PUS7: variants seen among roughly 807,000 people sequenced by gnomAD.
PUS7 encodes pseudouridine synthase 7, also known as pseudouridylate synthase 7 homolog.
In PUS7, 48 loss-of-function variants were observed where a neutral mutation model predicts 79.8. The observed-to-expected ratio is 0.60, with a 90% confidence interval of 0.48 to 0.76. PUS7 has a LOEUF of 0.76. Among genes scored for constraint, PUS7 ranks in the 30% least tolerant of loss-of-function variants. The pLI is 0.00. For synonymous variants in PUS7, 286 were observed against 272.2 expected (o/e 1.05, Z -0.50); for missense variants, 729 against 797.6 (o/e 0.91, Z 1.04).
chr7:105,513,154 A>T lies in PUS7; in HGVS notation c.-32-4610T>A, dbSNP rs878908821. Among the ~76,000 whole-genome samples, 3 of 152,174 alleles carry T rather than the reference A, an allele frequency of 2.0e-5. No homozygotes were observed. The East Asian group carries it at 5.8e-4, about 29-fold the overall frequency. ...ATCACATTGTGTCACACATGCCCTT[A>T]CCAAAAACCTGCAATGCCTCCCCAA... is the stretch of plus-strand genomic sequence containing the variant. On this transcript the variant is annotated intron_variant, in intron 1 of 15. Transcript: ENST00000469408.
At chr7:105,488,413 G>C (rs1170047888) in intron 7 of PUS7, among the ~76,000 whole-genome samples, 1 of 152,010 alleles carries the variant, frequency 6.6e-6, no homozygotes, top group Non-Finnish European at 1.5e-5. Context: ...AAAAAAAAGA[G>C]AGAGAGAATT....
intron 1 of PUS7, among the ~76,000 whole-genome samples, chr7:105,517,709 G>T (rs1428650619): frequency 6.6e-6 from 1 of 152,148 alleles, no homozygotes; most frequent in East Asian, 1.9e-4. Flanking sequence ...GCTGCAGTAA[G>T]TTATGATCAC....
At chr7:105,510,608 G>A (rs1825664223) in intron 1 of PUS7, among the ~76,000 whole-genome samples, 1 of 151,958 alleles carries the variant, frequency 6.6e-6, no homozygotes, top group South Asian at 2.1e-4. Flanking sequence ...CCACCTCCTG[G>A]GCTCAAGCCA....
intron 5 of PUS7, among the ~76,000 whole-genome samples, chr7:105,496,192 CACACATATATATAT>C (rs1230435507): frequency 4.0e-5 from 1 of 24,714 alleles, no homozygotes; most frequent in Non-Finnish European, 7.3e-5. Flanking sequence ...TCTACACACA[CACACATATATATAT>C]ATATATATAT....
chr7:105,513,545 C>A (rs1020709748), intron 1 of PUS7, among the ~76,000 whole-genome samples: 7 of 152,204 alleles, frequency 4.6e-5, no homozygotes, highest in Non-Finnish European at 5.9e-5. Flanking sequence ...ATGGGCTGGG[C>A]GCGGTGGCTC....
Position 105,470,771 on chromosome 7 carries a change from G to A in PUS7, c.1315C>T (p.Pro439Ser), listed in dbSNP as rs761780232. The A allele has an allele frequency of 1.2e-6, 2 of 1,612,636 alleles. No individual in the cohort carries two copies. Among genetic ancestry groups the A allele is most frequent in the South Asian group, 1.1e-5 (1 of 91,010 alleles). Residue 439 changes from proline (P) to serine (S), a missense_variant, in exon 11 of 16, where the codon CCT becomes TCT. By Grantham distance (74) the Pro-to-Ser change is moderately conservative. Coordinates refer to ENST00000469408, the MANE Select transcript of PUS7 (RefSeq NM_019042.5). ...KDPTAALRKLPVKRCVEGQLL... is the reference protein window; with the variant it reads ...KDPTAALRKLSVKRCVEGQLL... Reference sequence around the variant, plus strand: ...TGCCCTTCCACACACCTTTTGACAGGTAGTTTTCTGAGGGCAGCAGTTGGG... The same window carrying A: ...TGCCCTTCCACACACCTTTTGACAGATAGTTTTCTGAGGGCAGCAGTTGGG...
chr7:105,509,184 CAAAAAAAAAAAAAA>C (rs57095427), intron 1 of PUS7, among the ~76,000 whole-genome samples: 4 of 55,718 alleles, frequency 7.2e-5, no homozygotes, highest in African/African-American at 8.9e-5. Context: ...GACTCCATCT[CAAAAAAAAAAAAAA>C]AAAAAAAAAA....
At chr7:105,500,403 A>C (rs931947393) in intron 5 of PUS7, among the ~76,000 whole-genome samples, 9 of 152,190 alleles carry the variant, frequency 5.9e-5, no homozygotes, top group Non-Finnish European at 8.8e-5. Context: ...GGATGGGTAG[A>C]AAGGCTGTAA....
At position 105,506,049 on chromosome 7, in the gene PUS7, G is replaced by A. The variant is rs1348736536; in HGVS notation, c.491C>T (p.Ser164Leu). 8.7e-6 allele frequency: 14 copies of A among 1,612,800 alleles called. No homozygotes were observed. Among genetic ancestry groups the A allele is most frequent in the African/African-American group, 2.7e-5 (2 of 74,850 alleles). ...LSIPVDEEDPSEDIFTVLTAE... is the reference protein window; with the variant it reads ...LSIPVDEEDPLEDIFTVLTAE... ...TGTCAAAACTGTAAATATGTCTTCT[G>A]AAGGGTCCTTTAAAATAACCATGAG... Residue 164 changes from serine (S) to leucine (L), a missense_variant, in exon 4 of 16, where the codon TCA (serine) becomes TTA (leucine). Physicochemically the swap from Ser to Leu is moderately radical, Grantham distance 145. Transcript: ENST00000469408.
At chr7:105,491,703 T>C in intron 6 of PUS7, 86 bp from the exon 7 acceptor site, 3 of 754,634 alleles carry the variant, frequency 4.0e-6, no homozygotes, top group South Asian at 1.7e-5. Flanking sequence ...AGTTTTAATA[T>C]AAACATACTT....
chr7:105,464,416 A>G (rs2133048809), intron 13 of PUS7, among the ~76,000 whole-genome samples: 1 of 152,286 alleles, frequency 6.6e-6, no homozygotes, highest in East Asian at 1.9e-4. Context: ...GAAGACTGGC[A>G]TGTGAGTTGG....
At chr7:105,469,616 C>T (rs891332603) in intron 11 of PUS7, among the ~76,000 whole-genome samples, 6 of 152,158 alleles carry the variant, frequency 3.9e-5, no homozygotes, top group Non-Finnish European at 5.9e-5. Flanking sequence ...TCTGCCACCA[C>T]GCCTGGCTAT....
In PUS7 at chr7:105,508,364, T is replaced by A. The variant is rs760324880; in HGVS notation, c.149A>T (p.Asp50Val). ...CACGTCTTCACTGATGGACAGAAAGTCATTCTGTAGCCCATCTTGACCTTT... is the reference window on the plus strand; with the variant it reads ...CACGTCTTCACTGATGGACAGAAAGACATTCTGTAGCCCATCTTGACCTTT... Reference protein sequence around the residue: ...LTKGQDGLQNDFLSISEDVPR... With the variant: ...LTKGQDGLQNVFLSISEDVPR... The change falls in exon 2 of 16, where the codon GAC becomes GTC. Residue 50 changes from aspartate to valine, a missense_variant. Transcript: ENST00000469408. 10 of 1,614,062 alleles carry A rather than the reference T, an allele frequency of 6.2e-6. No individual in the cohort carries two copies. The highest frequency in any genetic ancestry group is 2.2e-5 in the East Asian group (1 of 44,868).
intron 9 of PUS7, 65 bp from the exon 10 acceptor site, chr7:105,472,258 C>A (rs747298468): frequency 2.8e-5 from 27 of 969,710 alleles, no homozygotes; most frequent in Non-Finnish European, 3.9e-5. Context: ...ATGCACAAAT[C>A]TTTGAAGAGT....
chr7:105,521,698 G>A (rs543278702), intron 1 of PUS7, among the ~76,000 whole-genome samples: 1 of 152,322 alleles, frequency 6.6e-6, no homozygotes, highest in Admixed American at 6.5e-5. Context: ...GGGAGCGTCC[G>A]GGGCAAAGAA....
intron 15 of PUS7, 119 bp from the exon 16 acceptor site, chr7:105,458,045 C>T (rs1268596491): frequency 8.8e-7 from 1 of 1,133,650 alleles, no homozygotes; most frequent in Non-Finnish European, 1.2e-6. Context: ...ACTCCACTTC[C>T]TAGGGGGCCT....
intron 11 of PUS7, among the ~76,000 whole-genome samples, chr7:105,469,106 T>C (rs941273376): frequency 1.3e-5 from 2 of 151,826 alleles, no homozygotes; most frequent in Non-Finnish European, 2.9e-5. Flanking sequence ...GGTTTTGCCA[T>C]GTTGCCCAGG....
At chr7:105,514,058 G>A (rs1252901698) in intron 1 of PUS7, among the ~76,000 whole-genome samples, 2 of 133,212 alleles carry the variant, frequency 1.5e-5, no homozygotes, top group Non-Finnish European at 3.2e-5. Flanking sequence ...GTGAAACCCC[G>A]TCTCTACTAA....
intron 7 of PUS7, among the ~76,000 whole-genome samples, chr7:105,483,177 C>CTT (rs1337345763): frequency 6.6e-5 from 6 of 91,224 alleles, no homozygotes; most frequent in Admixed American, 1.6e-4. Context: ...TCTTTCTTTC[C>CTT]TTTTTTTTTT....
Sources: gnomAD v4.1 joint callset for allele counts (sites outside exome capture counted in the v4.1 genomes callset) on GRCh38, gnomAD v4.1.1 for gene constraint, MANE v1.5 for transcripts, NCBI Gene and HGNC (gene_info 2026-07-23, HGNC 2026-07-21) for gene names.